Variants in DCC observed in about 807,000 individuals in gnomAD.
The protein encoded by DCC is netrin receptor DCC.
Under a neutral mutation model 172.5 loss-of-function variants are expected in DCC, and 58 were observed. The ratio of observed to expected loss-of-function variants is 0.34; its 90% CI spans 0.27 to 0.42. The LOEUF (loss-of-function observed/expected upper bound fraction) is 0.42. Ranked by LOEUF, DCC falls within the 10% of genes least tolerant of loss-of-function variation. The pLI is 1.00. For synonymous variants in DCC, 709 were observed against 644.5 expected, an observed-to-expected ratio of 1.10 and a Z score of -1.52; for missense variants, 1,740 against 1,791.0, an observed-to-expected ratio of 0.97 and a Z score of 0.51.
rs182346367 is a variant in DCC at position 53,319,083 on chromosome 18, G to C, written c.2054-2964G>C. 5.6e-3 allele frequency among the ~76,000 whole-genome samples: 851 copies of C among 152,176 alleles called. 6 individuals are homozygous for C. The highest frequency in any genetic ancestry group is 0.024 in the Admixed American group (373 of 15,288). ...ATGCTGAGAGATTTTGTCACCACCA[G>C]GCCTGCCTTACAAGAGCTCCTGAAG... On this transcript the variant is annotated intron_variant, in intron 13 of 28. Coordinates refer to ENST00000442544, the MANE Select transcript of DCC (RefSeq NM_005215.4).
At chr18:53,305,510 A>C in intron 12 of DCC, 68 bp from the exon 13 acceptor site, 1 of 1,322,970 alleles carries the variant, frequency 7.6e-7, no homozygotes, top group Non-Finnish European at 1.1e-6. Context: ...CGTTTGGGTT[A>C]CTTCTTTGAC....
At chr18:52,928,660 T>C (rs1227557327) in intron 5 of DCC, among the ~76,000 whole-genome samples, 1 of 152,156 alleles carries the variant, frequency 6.6e-6, no homozygotes, top group Non-Finnish European at 1.5e-5. Context: ...ATTTATTTGT[T>C]ACAGTATCCT....
intron 1 of DCC, among the ~76,000 whole-genome samples, chr18:52,731,307 A>G (rs2145094387): frequency 6.6e-6 from 1 of 152,360 alleles, no homozygotes; most frequent in East Asian, 1.9e-4. Context: ...CCAAAGTACA[A>G]ATTAATTTAT....
At chr18:52,633,679 T>C (rs1163277586) in intron 1 of DCC, among the ~76,000 whole-genome samples, 1 of 152,168 alleles carries the variant, frequency 6.6e-6, no homozygotes, top group Non-Finnish European at 1.5e-5. Context: ...AAAGAAGAAG[T>C]CTAGGTTTAG....
At chr18:52,482,026 G>A (rs946144842) in intron 1 of DCC, among the ~76,000 whole-genome samples, 7 of 151,836 alleles carry the variant, frequency 4.6e-5, no homozygotes, top group South Asian at 2.1e-4. Flanking sequence ...AACTTTCAGC[G>A]TCAGGGATTT....
chr18:52,691,246 T>A (rs1174917551), intron 1 of DCC, among the ~76,000 whole-genome samples: 1 of 152,104 alleles, frequency 6.6e-6, no homozygotes, highest in Admixed American at 6.6e-5. Context: ...TCAAGCACTT[T>A]TTCCTGTGTT....
intron 1 of DCC, among the ~76,000 whole-genome samples, chr18:52,696,480 C>T (rs1045132014): frequency 1.1e-4 from 17 of 152,338 alleles, no homozygotes; most frequent in African/African-American, 4.1e-4. Flanking sequence ...TCATAAAAAA[C>T]AACTGCAGTT....
In DCC at chr18:52,550,127, T is replaced by C. The variant is rs541548231; in HGVS notation, c.92-201927T>C. On this transcript the variant is annotated intron_variant, in intron 1 of 28. Transcript: ENST00000442544. ...TGATGAGAATGACACTTTACCTCTG[T>C]GTTCTTTCTCTCTAAAAAAAACATC... 7.2e-5 allele frequency among the ~76,000 whole-genome samples: 11 copies of C among 152,124 alleles called. No homozygotes were observed. The East Asian group carries it at 1.9e-3, about 27-fold the overall frequency.
intron 24 of DCC, among the ~76,000 whole-genome samples, chr18:53,463,633 A>T (rs2045585420): frequency 6.6e-6 from 1 of 152,166 alleles, no homozygotes; most frequent in East Asian, 1.9e-4. Flanking sequence ...GGTAGATGCT[A>T]TCATTCTTTT....
At chr18:52,396,672 G>C (rs1303975435) in intron 1 of DCC, among the ~76,000 whole-genome samples, 5 of 151,974 alleles carry the variant, frequency 3.3e-5, no homozygotes. Flanking sequence ...TATCATTATA[G>C]AAAAGTTTCA....
At chr18:52,479,577 T>TCCA (rs1555687243) in intron 1 of DCC, among the ~76,000 whole-genome samples, 9 of 33,002 alleles carry the variant, frequency 2.7e-4, no homozygotes, top group African/African-American at 7.2e-4. Context: ...CCTACCTCCC[T>TCCA]CCACCCCCCC....
chr18:53,296,515 C>G lies in DCC; in HGVS notation c.1912-9063C>G, dbSNP rs369662888. Among the ~76,000 whole-genome samples the G allele has an allele frequency of 7.2e-5, 11 of 152,278 alleles. No individual in the cohort carries two copies. The East Asian group carries it at 1.7e-3, about 24-fold the overall frequency. On this transcript the variant is annotated intron_variant, in intron 12 of 28. Transcript: ENST00000442544. ...CTTATGTTGCAAATTCAGGGTCACA[C>G]ACTGACCAGAAAGGTAACTGAGATG...
At chr18:52,965,235 AAT>A (rs2040910365) in intron 5 of DCC, 1 of 152,184 alleles carries the variant, frequency 6.6e-6, no homozygotes, top group African/African-American at 2.4e-5. Context: ...GTGATCCATA[AAT>A]ATTATCTCAG....
chr18:53,469,522 C>A (rs899840613), intron 25 of DCC, among the ~76,000 whole-genome samples: 1 of 152,156 alleles, frequency 6.6e-6, no homozygotes, highest in Non-Finnish European at 1.5e-5. Context: ...GAAAAGCATT[C>A]AGAAAGTGGT....
At chr18:53,483,393 T>C (rs1017172254) in intron 25 of DCC, among the ~76,000 whole-genome samples, 33 of 152,036 alleles carry the variant, frequency 2.2e-4, no homozygotes, top group African/African-American at 7.9e-4. Context: ...AATATTTTGT[T>C]ACACATTAAA....
At chr18:52,791,783 T>G (rs2145206668) in intron 2 of DCC, among the ~76,000 whole-genome samples, 1 of 152,276 alleles carries the variant, frequency 6.6e-6, no homozygotes, top group East Asian at 1.9e-4. Flanking sequence ...ATGGTTCGTG[T>G]TAAAGCATCT....
chr18:52,362,751 A>G (rs188939216), intron 1 of DCC, among the ~76,000 whole-genome samples: 120 of 152,070 alleles, frequency 7.9e-4, no homozygotes, highest in Non-Finnish European at 1.4e-3. Context: ...TGGGAGCAGA[A>G]TCAAACAAAA....
intron 7 of DCC, among the ~76,000 whole-genome samples, chr18:53,138,254 G>A (rs1277830214): frequency 6.6e-6 from 1 of 152,026 alleles, no homozygotes; most frequent in Non-Finnish European, 1.5e-5. Flanking sequence ...GAGTTAATGT[G>A]CCTCTCTAAT....
At chr18:53,461,936 C>T (rs548930288) in intron 24 of DCC, among the ~76,000 whole-genome samples, 22 of 152,202 alleles carry the variant, frequency 1.4e-4, no homozygotes, top group Admixed American at 3.3e-4. Context: ...TGAAATGGAA[C>T]GGTGGGATTG....
Sources: gnomAD v4.1 joint callset for allele counts (sites outside exome capture counted in the v4.1 genomes callset) on GRCh38, gnomAD v4.1.1 for gene constraint, MANE v1.5 for transcripts, NCBI Gene and HGNC (gene_info 2026-07-23, HGNC 2026-07-21) for gene names.